Variants in PGR observed in about 807,000 individuals in gnomAD.
PGR encodes progesterone receptor, also known as nuclear receptor subfamily 3 group C member 3.
PGR carries 25 observed loss-of-function variants against 76.1 expected under a neutral mutation model. That is an observed-to-expected ratio of 0.33 (90% CI 0.24 to 0.46). PGR has a LOEUF of 0.46. Ranked by LOEUF, PGR falls within the 20% of genes least tolerant of loss-of-function variation. The pLI, the probability that PGR is intolerant of heterozygous loss-of-function variation, is 1.00. For missense variants in PGR, 1,172 were observed against 1,225.3 expected (o/e 0.96, Z 0.65); for synonymous variants, 579 against 535.0 (o/e 1.08, Z -1.14).
chr11:101,043,446 T>C (rs1859761471), intron 6 of PGR, among the ~76,000 whole-genome samples: 1 of 152,188 alleles, frequency 6.6e-6, no homozygotes, highest in African/African-American at 2.4e-5. Flanking sequence ...CTCAAAGTCA[T>C]GCAAGAGGGA....
At chr11:101,097,966 T>C (rs1416390745) in intron 2 of PGR, among the ~76,000 whole-genome samples, 3 of 151,860 alleles carry the variant, frequency 2.0e-5, no homozygotes, top group Non-Finnish European at 4.4e-5. Flanking sequence ...TTAGTAGAGA[T>C]GGGGTTTCAC....
intron 2 of PGR, among the ~76,000 whole-genome samples, chr11:101,099,125 T>TAGC (rs1245588582): frequency 6.6e-6 from 1 of 152,214 alleles, no homozygotes; most frequent in Non-Finnish European, 1.5e-5. Context: ...AGAATATTTA[T>TAGC]AGCAGCAGTG....
chr11:101,062,291 C>A (rs1860529703), intron 4 of PGR, among the ~76,000 whole-genome samples, 156 bp downstream of exon 4: 1 of 152,056 alleles, frequency 6.6e-6, no homozygotes, highest in African/African-American at 2.4e-5. Flanking sequence ...ATATTAGGGT[C>A]CTAGACAAAT....
intron 4 of PGR, among the ~76,000 whole-genome samples, chr11:101,058,015 C>A (rs1860354155): frequency 6.6e-6 from 1 of 152,038 alleles, no homozygotes; most frequent in Admixed American, 6.6e-5. Context: ...ACCCAGAACA[C>A]AAACAAATTT....
rs190728042 is a variant in PGR at position 101,106,641 on chromosome 11, G to A, written c.1790-14765C>T. On this transcript the variant is annotated intron_variant, in intron 2 of 7. Coordinates refer to ENST00000325455, the MANE Select transcript of PGR (RefSeq NM_000926.4). Reference sequence around the variant, plus strand: ...GGGAGTGTAAATTAGTTCAACCATTGTGGAAGACAGTGCAGCAATTCCTCA... The same window carrying A: ...GGGAGTGTAAATTAGTTCAACCATTATGGAAGACAGTGCAGCAATTCCTCA... Among the ~76,000 whole-genome samples the A allele has an allele frequency of 2.7e-3, 409 of 152,310 alleles. 6 individuals carry two copies. Among genetic ancestry groups the A allele is most frequent in the Non-Finnish European group, 1.1e-3 (72 of 68,028 alleles).
At chr11:101,049,786 TAAC>T in intron 6 of PGR, 140 bp downstream of exon 6, 1 of 630,652 alleles carries the variant, frequency 1.6e-6, no homozygotes, top group South Asian at 1.9e-5. Flanking sequence ...TTAATGTCTA[TAAC>T]AATATATTGG....
chr11:101,110,265 G>C (rs555305251), intron 2 of PGR, among the ~76,000 whole-genome samples: 4 of 152,282 alleles, frequency 2.6e-5, no homozygotes, highest in African/African-American at 9.6e-5. Context: ...ATGAATCTGG[G>C]CAAAGTACAT....
chr11:101,033,801 A>G lies in PGR; in HGVS notation c.*5315T>C, dbSNP rs1859425302. ...AGATTAGTAAACGTCATAGACAAAG[A>G]GATCAGAAACTTAACATATAACTGA... On this transcript the variant is annotated 3_prime_UTR_variant, in exon 8 of 8. Transcript: ENST00000325455. 1 of 207,810 alleles carries G rather than the reference A, an allele frequency of 4.8e-6. No homozygotes were observed. Among genetic ancestry groups the G allele is most frequent in the Non-Finnish European group, 9.8e-6 (1 of 102,002 alleles). The allele number at this position is 207,810 out of a possible 1,614,324, so 12.9% of individuals were successfully genotyped here.
chr11:101,061,448 T>C (rs11571225), intron 4 of PGR, among the ~76,000 whole-genome samples: 1,642 of 152,290 alleles, frequency 0.011, 35 homozygotes, highest in African/African-American at 0.038. Flanking sequence ...TCAGTAACAA[T>C]TCATCTATTG....
chr11:101,114,788 G>C (rs1341262121), intron 2 of PGR, among the ~76,000 whole-genome samples: 1 of 151,912 alleles, frequency 6.6e-6, no homozygotes, highest in South Asian at 2.1e-4. Context: ...CAGGTCCTTA[G>C]TGCACCATCC....
At chr11:101,075,339 A>C (rs982758878) in intron 3 of PGR, among the ~76,000 whole-genome samples, 1 of 152,206 alleles carries the variant, frequency 6.6e-6, no homozygotes, top group Non-Finnish European at 1.5e-5. Context: ...TCAAAGACTT[A>C]AATGTAAGAC....
Position 101,127,562 on chromosome 11 carries a change from G to A in PGR, c.1509C>T (p.Ala503=). The A allele has an allele frequency of 1.5e-6, 2 of 1,375,526 alleles. No individual in the cohort carries two copies. The highest frequency in any genetic ancestry group is 1.9e-6 in the Non-Finnish European group (2 of 1,063,528). 85.2% of individuals were successfully genotyped at this position (1,375,526 alleles called of 1,614,324 possible). A position where few individuals can be genotyped will look rare whatever the true frequency, so the allele number is the denominator to read the frequency against. The change falls in exon 1 of 8, where the codon GCC becomes GCT. Residue 503 remains alanine, a synonymous_variant. Transcript: ENST00000325455. ...AGAGCGCGGGGGCCGCCCCGGCGGC[G>A]GCGGCAGAGGCGGAGGTGGAGGGCA... ...DGLPSTSASA[A]AAGAAPALYP...
chr11:101,068,797 G>C (rs1860814958), intron 3 of PGR, among the ~76,000 whole-genome samples: 1 of 151,868 alleles, frequency 6.6e-6, no homozygotes, highest in Admixed American at 6.6e-5. Context: ...AATGGTGTTG[G>C]GGAAACTGGC....
intron 2 of PGR, among the ~76,000 whole-genome samples, chr11:101,102,583 C>T (rs1483325039): frequency 6.6e-6 from 1 of 152,010 alleles, no homozygotes; most frequent in African/African-American, 2.4e-5. Context: ...GACAGCTGGA[C>T]AATAACAAAT....
In PGR at chr11:101,041,997, G is replaced by A. The variant is rs2020880; in HGVS notation, c.2594C>T (p.Ser865Leu). The part of the protein sequence containing the change: ...AIGLRQKGVV[S>L]SSQRFYQLTK... ...AAGTTGATAGAAACGCTGTGAGCTC[G>A]ACACAACTCCTTTTTGCCTCAAACC... Residue 865 changes from serine to leucine, a missense_variant, in exon 7 of 8, where the codon TCG (serine) becomes TTG (leucine). Physicochemically the swap from Ser to Leu is moderately radical, Grantham distance 145. Around this residue, in one of 4 missense-constraint regions of PGR, gnomAD observed 166 missense variants for 296.0 expected, o/e 0.56. Transcript: ENST00000325455. The A allele has an allele frequency of 1.8e-4, 297 of 1,613,470 alleles. 2 individuals are homozygous for A. In the South Asian group the frequency reaches 2.3e-3, roughly 13 times the overall value.
At chr11:101,102,991 C>T (rs1414944980) in intron 2 of PGR, among the ~76,000 whole-genome samples, 1 of 151,784 alleles carries the variant, frequency 6.6e-6, no homozygotes, top group Non-Finnish European at 1.5e-5. Flanking sequence ...ATAGGGTTTG[C>T]GCTGCTATGA....
In PGR at chr11:101,125,159, G is replaced by A. The variant is rs1862799399; in HGVS notation, c.1789+848C>T. Among the ~76,000 whole-genome samples the A allele has an allele frequency of 2.6e-5, 4 of 152,150 alleles. No individual in the cohort carries two copies. In the South Asian group the frequency reaches 8.3e-4, roughly 32 times the overall value. On this transcript the variant is annotated intron_variant, in intron 2 of 7. Transcript: ENST00000325455. Reference sequence around the variant, plus strand: ...TAGTTATAGAATACATTTATTGCTGGTATTAAAATATGAAATCTTTCAATG... The same window carrying A: ...TAGTTATAGAATACATTTATTGCTGATATTAAAATATGAAATCTTTCAATG...
intron 3 of PGR, among the ~76,000 whole-genome samples, chr11:101,073,203 A>G (rs1468869701): frequency 6.6e-6 from 1 of 152,244 alleles, no homozygotes. Flanking sequence ...TGGAAACTGA[A>G]CAACCTGCTC....
rs1052004233 is a variant in PGR, at chr11:101,032,384, T to C, written c.*6732A>G. 2.1e-5 allele frequency: 5 copies of C among 232,576 alleles called. No homozygotes were observed. The highest frequency in any genetic ancestry group is 1.1e-4 in the African/African-American group (5 of 45,300). The allele number at this position is 232,576 out of a possible 1,614,324, so 14.4% of individuals were successfully genotyped here. On this transcript the variant is annotated 3_prime_UTR_variant, in exon 8 of 8. Transcript: ENST00000325455. ...AGTCTTCTAAAATATTCATATGAAT[T>C]GTGCTGCTTTCCTGTTTACAACAGA...
Sources: gnomAD v4.1 joint callset for allele counts (sites outside exome capture counted in the v4.1 genomes callset) on GRCh38, gnomAD v4.1.1 for gene constraint, gnomAD v4.1.1 regional missense constraint, MANE v1.5 for transcripts, NCBI Gene and HGNC (gene_info 2026-07-23, HGNC 2026-07-21) for gene names.